CCBE1: variants seen among roughly 807,000 people sequenced by gnomAD.
The protein encoded by CCBE1 is collagen and calcium-binding EGF domain-containing protein 1.
CCBE1 carries 37 observed loss-of-function variants against 50.0 expected under a neutral mutation model. That is an observed-to-expected ratio of 0.74 (90% CI 0.57 to 0.97). CCBE1 has a LOEUF of 0.97. CCBE1 is among the 50% of genes least tolerant of loss of function. The pLI, the probability that CCBE1 is intolerant of heterozygous loss-of-function variation, is 0.00. For missense variants in CCBE1, 538 were observed against 523.8 expected (o/e 1.03, Z -0.26); for synonymous variants, 234 against 203.7 (o/e 1.15, Z -1.27).
chr18:59,441,228 G>C (rs1220143851), intron 7 of CCBE1, among the ~76,000 whole-genome samples: 1 of 152,122 alleles, frequency 6.6e-6, no homozygotes, highest in Non-Finnish European at 1.5e-5. Flanking sequence ...GAAAGAAAAG[G>C]GCTGGGCACA....
chr18:59,603,657 C>A (rs761436305), intron 2 of CCBE1, among the ~76,000 whole-genome samples: 3 of 152,214 alleles, frequency 2.0e-5, no homozygotes, highest in African/African-American at 7.2e-5. Context: ...TATCTTCCTA[C>A]TACAAAGTTG....
At chr18:59,607,762 G>A (rs2053518220) in intron 2 of CCBE1, among the ~76,000 whole-genome samples, 1 of 152,236 alleles carries the variant, frequency 6.6e-6, no homozygotes, top group Admixed American at 6.5e-5. Flanking sequence ...CCCAGGTTCT[G>A]GATTTACCTT....
At chr18:59,552,709 T>C (rs1190428609) in intron 2 of CCBE1, among the ~76,000 whole-genome samples, 1 of 152,246 alleles carries the variant, frequency 6.6e-6, no homozygotes, top group South Asian at 2.1e-4. Flanking sequence ...TCATTTATCA[T>C]AATGTGAAGA....
At chr18:59,636,227 A>C (rs9955177) in intron 2 of CCBE1, among the ~76,000 whole-genome samples, 1 of 152,252 alleles carries the variant, frequency 6.6e-6, no homozygotes, top group Non-Finnish European at 1.5e-5. Context: ...GACACAGAAG[A>C]GAGGGGTGGA....
chr18:59,693,403 C>T (rs984640189), intron 2 of CCBE1, among the ~76,000 whole-genome samples: 1 of 152,140 alleles, frequency 6.6e-6, no homozygotes, highest in Non-Finnish European at 1.5e-5. Context: ...TTTGGTCTCC[C>T]TGAGAGTGGG....
intron 2 of CCBE1, among the ~76,000 whole-genome samples, chr18:59,492,704 T>C (rs892686915): frequency 4.6e-5 from 7 of 152,306 alleles, no homozygotes; most frequent in African/African-American, 1.4e-4. Flanking sequence ...ATTTAAGCTG[T>C]TGTTTTTGGT....
At chr18:59,696,574 C>G in intron 2 of CCBE1, 55 bp downstream of exon 2, 1 of 1,609,480 alleles carries the variant, frequency 6.2e-7, no homozygotes, top group Non-Finnish European at 8.5e-7. Context: ...AGCGCCGCCT[C>G]CCCAGCCAGC....
intron 2 of CCBE1, among the ~76,000 whole-genome samples, chr18:59,609,100 C>CA (rs1348158875): frequency 1.3e-5 from 2 of 152,182 alleles, no homozygotes; most frequent in Non-Finnish European, 2.9e-5. Flanking sequence ...TTCGAGACAG[C>CA]ACTTTTCTCC....
At chr18:59,669,410 T>TC (rs2054402677) in intron 2 of CCBE1, among the ~76,000 whole-genome samples, 1 of 152,164 alleles carries the variant, frequency 6.6e-6, no homozygotes, top group Non-Finnish European at 1.5e-5. Flanking sequence ...GACCAACAGC[T>TC]CCTTGGCTTC....
intron 2 of CCBE1, among the ~76,000 whole-genome samples, chr18:59,578,074 C>T (rs1404610043): frequency 6.6e-6 from 1 of 151,964 alleles, no homozygotes; most frequent in African/African-American, 2.4e-5. Context: ...TGACAAAGGG[C>T]TAATATTTAG....
intron 2 of CCBE1, among the ~76,000 whole-genome samples, chr18:59,590,935 T>C (rs1187075789): frequency 6.6e-6 from 1 of 152,150 alleles, no homozygotes; most frequent in Non-Finnish European, 1.5e-5. Flanking sequence ...GACTCCTCTG[T>C]AACCTGGGCA....
chr18:59,584,715 C>T (rs1284592032), intron 2 of CCBE1, among the ~76,000 whole-genome samples: 2 of 152,154 alleles, frequency 1.3e-5, no homozygotes, highest in Non-Finnish European at 2.9e-5. Context: ...GTTCCCCCTT[C>T]ACCTTCCACC....
chr18:59,601,271 T>C lies in CCBE1; in HGVS notation c.212+95358A>G, dbSNP rs147031988. 6.8e-3 allele frequency among the ~76,000 whole-genome samples: 1,030 copies of C among 152,062 alleles called. 14 individuals are homozygous for C. The highest frequency in any genetic ancestry group is 0.023 in the African/African-American group (960 of 41,468). ...CACACTCAAATCTCATCTTGAATTG[T>C]AGCTCCCATAATCCCCACGTGTCAT... On this transcript the variant is annotated intron_variant, in intron 2 of 10. Transcript: ENST00000439986.
intron 6 of CCBE1, among the ~76,000 whole-genome samples, chr18:59,449,022 T>C (rs1436162224): frequency 6.6e-6 from 1 of 152,208 alleles, no homozygotes; most frequent in Non-Finnish European, 1.5e-5. Flanking sequence ...GTAAATCTAC[T>C]GCAACCATGA....
Position 59,618,488 on chromosome 18 carries a change from G to T in CCBE1, c.212+78141C>A, listed in dbSNP as rs564293432. On this transcript the variant is annotated intron_variant, in intron 2 of 10. Coordinates refer to ENST00000439986, the MANE Select transcript of CCBE1 (RefSeq NM_133459.4). ...CTAGCTCTATCGCCCAGACTGGAGC[G>T]CAGTGGCACAATCTCGGCTTACTGC... is the stretch of plus-strand genomic sequence containing the variant. Among the ~76,000 whole-genome samples the T allele has an allele frequency of 3.1e-4, 47 of 150,298 alleles. 1 individual carries two copies. The highest frequency in any genetic ancestry group is 1.1e-3 in the African/African-American group (44 of 40,642).
At chr18:59,598,128 G>C (rs1021211446) in intron 2 of CCBE1, among the ~76,000 whole-genome samples, 24 of 152,208 alleles carry the variant, frequency 1.6e-4, no homozygotes, top group African/African-American at 5.3e-4. Context: ...ACTGGTTAGG[G>C]ATCAGCAGAG....
intron 2 of CCBE1, among the ~76,000 whole-genome samples, chr18:59,549,389 T>G (rs1915831574): frequency 6.6e-6 from 1 of 152,162 alleles, no homozygotes; most frequent in Non-Finnish European, 1.5e-5. Flanking sequence ...AAGGAGCAAA[T>G]GATACAAATG....
At chr18:59,683,920 G>A (rs2099142) in intron 2 of CCBE1, among the ~76,000 whole-genome samples, 1 of 143,594 alleles carries the variant, frequency 7.0e-6, no homozygotes, top group Non-Finnish European at 1.5e-5. Context: ...GCTGTGCCAA[G>A]ACCTCAAACC....
Position 59,512,696 on chromosome 18 carries a change from G to T in CCBE1, c.213-32458C>A, listed in dbSNP as rs141636802. On this transcript the variant is annotated intron_variant, in intron 2 of 10. Transcript: ENST00000439986. Reference sequence around the variant, plus strand: ...GGACTTTCTCAGGGTCCTGCTCTTAGAAACAGCACACTGTCTGCTAGATGA... The same window carrying T: ...GGACTTTCTCAGGGTCCTGCTCTTATAAACAGCACACTGTCTGCTAGATGA... Among the ~76,000 whole-genome samples the T allele has an allele frequency of 1.8e-4, 27 of 152,364 alleles. No individual in the cohort carries two copies. The East Asian group carries it at 4.0e-3, about 23-fold the overall frequency.
Sources: allele counts gnomAD v4.1 joint callset (sites outside exome capture counted in the v4.1 genomes callset), GRCh38; gene constraint gnomAD v4.1.1; transcripts MANE v1.5; gene names NCBI Gene and HGNC (gene_info 2026-07-23, HGNC 2026-07-21).